Variants in SGCZ observed in about 807,000 individuals in gnomAD.
SGCZ encodes the protein zeta-sarcoglycan.
In SGCZ, 40 loss-of-function variants were observed where a neutral mutation model predicts 41.3. That is an observed-to-expected ratio of 0.97 (90% confidence interval 0.75 to 1.26). SGCZ has a LOEUF of 1.26. Ranked by LOEUF, SGCZ falls within the 50% of genes most tolerant of loss-of-function variation. The pLI, the probability that SGCZ is intolerant of heterozygous loss-of-function variation, is 0.00. For missense variants in SGCZ, 552 were observed against 369.8 expected (o/e 1.49, Z -4.04); for synonymous variants, 206 against 137.5 (o/e 1.50, Z -3.49).
chr8:14,323,683 G>A (rs1337321561), intron 3 of SGCZ, among the ~76,000 whole-genome samples: 4 of 151,976 alleles, frequency 2.6e-5, no homozygotes, highest in Non-Finnish European at 5.9e-5. Context: ...AAAATTCTTT[G>A]TCATTTCTTT....
At chr8:14,454,236 G>A (rs1800679496) in intron 2 of SGCZ, among the ~76,000 whole-genome samples, 1 of 152,112 alleles carries the variant, frequency 6.6e-6, no homozygotes, top group Admixed American at 6.6e-5. Context: ...TTTACCAGTA[G>A]GAGAATCTCA....
At chr8:14,410,530 T>C (rs374824586) in intron 2 of SGCZ, among the ~76,000 whole-genome samples, 85 of 125,552 alleles carry the variant, frequency 6.8e-4, no homozygotes, top group African/African-American at 3.2e-3. Flanking sequence ...TGTGTAATTC[T>C]AAGTTAATAT....
chr8:14,301,564 T>TG (rs1417367967), intron 3 of SGCZ, among the ~76,000 whole-genome samples: 1 of 152,128 alleles, frequency 6.6e-6, no homozygotes, highest in African/African-American at 2.4e-5. Context: ...ACATGAAATC[T>TG]GGGGTGATAG....
intron 1 of SGCZ, among the ~76,000 whole-genome samples, chr8:14,681,996 G>A (rs1335064949): frequency 6.6e-6 from 1 of 151,962 alleles, no homozygotes; most frequent in African/African-American, 2.4e-5. Flanking sequence ...TAGTAACAGA[G>A]AACGAATTTG....
intron 1 of SGCZ, among the ~76,000 whole-genome samples, chr8:15,176,493 G>A (rs1034597895): frequency 1.3e-5 from 2 of 151,920 alleles, no homozygotes; most frequent in African/African-American, 4.8e-5. Flanking sequence ...ATACCAAGCG[G>A]TTTTCCAAAA....
intron 2 of SGCZ, among the ~76,000 whole-genome samples, chr8:14,475,064 T>G (rs1801319725): frequency 1.3e-5 from 2 of 152,310 alleles, no homozygotes; most frequent in Middle Eastern, 3.4e-3. Context: ...TGTTGTTGTT[T>G]TTTAAGGAAG....
chr8:14,350,236 G>A (rs961161924), intron 2 of SGCZ, among the ~76,000 whole-genome samples: 1 of 149,626 alleles, frequency 6.7e-6, no homozygotes, highest in African/African-American at 2.4e-5. Flanking sequence ...TAATCTTAAG[G>A]AGCAAAACTT....
chr8:14,752,757 T>A (rs1799537365), intron 1 of SGCZ, among the ~76,000 whole-genome samples: 1 of 152,168 alleles, frequency 6.6e-6, no homozygotes, highest in Non-Finnish European at 1.5e-5. Context: ...GAAACTATTA[T>A]CACAAACATG....
At chr8:14,482,788 G>A (rs1801569934) in intron 2 of SGCZ, among the ~76,000 whole-genome samples, 1 of 151,824 alleles carries the variant, frequency 6.6e-6, no homozygotes, top group Non-Finnish European at 1.5e-5. Context: ...TTGACTGCAC[G>A]AGGGGAGACA....
chr8:14,138,847 G>A (rs1803281513), intron 5 of SGCZ, among the ~76,000 whole-genome samples: 1 of 152,134 alleles, frequency 6.6e-6, no homozygotes, highest in Non-Finnish European at 1.5e-5. Flanking sequence ...GGACCTAATA[G>A]ACATCTACAG....
chr8:14,093,248 C>T (rs1801743028), intron 7 of SGCZ, among the ~76,000 whole-genome samples: 1 of 151,594 alleles, frequency 6.6e-6, no homozygotes, highest in Non-Finnish European at 1.5e-5. Flanking sequence ...TGTGATAGTC[C>T]CCTATCTGGC....
intron 1 of SGCZ, among the ~76,000 whole-genome samples, chr8:15,220,847 G>C (rs1801571950): frequency 6.6e-6 from 1 of 152,138 alleles, no homozygotes; most frequent in Non-Finnish European, 1.5e-5. Context: ...AAAAGGATGA[G>C]TTCATGTCCT....
intron 1 of SGCZ, among the ~76,000 whole-genome samples, chr8:15,018,435 G>C (rs1011133016): frequency 3.9e-5 from 6 of 152,196 alleles, no homozygotes; most frequent in African/African-American, 1.2e-4. Flanking sequence ...TGACGAGGCA[G>C]TACTCTAAGT....
intron 1 of SGCZ, chr8:14,853,447 A>G (rs1333553188): frequency 3.8e-6 from 2 of 532,426 alleles, no homozygotes. Flanking sequence ...GCTCTTTCTG[A>G]CCAGGCAGTG....
intron 1 of SGCZ, among the ~76,000 whole-genome samples, chr8:15,193,838 C>CCTG (rs1563176824): frequency 1.3e-5 from 2 of 152,094 alleles, no homozygotes; most frequent in African/African-American, 4.8e-5. Flanking sequence ...TCACAAACCA[C>CCTG]GTTCTACTTA....
At chr8:14,223,105 C>T (rs528260873) in intron 4 of SGCZ, among the ~76,000 whole-genome samples, 31 of 152,104 alleles carry the variant, frequency 2.0e-4, no homozygotes, top group African/African-American at 6.7e-4. Flanking sequence ...CCATTGCCCC[C>T]GGCCCGTCAC....
chr8:14,369,566 T>A (rs531154448), intron 2 of SGCZ, among the ~76,000 whole-genome samples: 1 of 152,014 alleles, frequency 6.6e-6, no homozygotes, highest in Non-Finnish European at 1.5e-5. Flanking sequence ...ATTTTATTCA[T>A]TGTAATTTAT....
chr8:15,237,766 C>T lies in SGCZ; in HGVS notation c.-143G>A. ...TCAGTCTCATTCTCCGTGGTCACGC[C>T]GCCTCCACCGGGTTAAAAATAAGGA... On this transcript the variant is annotated 5_prime_UTR_variant, in exon 1 of 8. Coordinates refer to ENST00000382080, the MANE Select transcript of SGCZ (RefSeq NM_139167.4). 1.5e-6 allele frequency: 1 copy of T among 683,276 alleles called. No homozygotes were observed. The highest frequency in any genetic ancestry group is 2.5e-6 in the Non-Finnish European group (1 of 393,666). The allele number at this position is 683,276 out of a possible 1,614,324, so 42.3% of individuals were successfully genotyped here.
chr8:14,479,351 C>A (rs974783747), intron 2 of SGCZ, among the ~76,000 whole-genome samples: 36 of 152,134 alleles, frequency 2.4e-4, no homozygotes, highest in African/African-American at 8.2e-4. Flanking sequence ...CAGCGAGTCT[C>A]GTATTTCCTC....
Sources: allele counts gnomAD v4.1 joint callset (sites outside exome capture counted in the v4.1 genomes callset), GRCh38; gene constraint gnomAD v4.1.1; transcripts MANE v1.5; gene names NCBI Gene and HGNC (gene_info 2026-07-23, HGNC 2026-07-21).